Variants in TRIM59 observed in about 807,000 individuals in gnomAD.
TRIM59 encodes tripartite motif containing 59, also known as tripartite motif-containing protein 59.
A neutral mutation model predicts 32.2 loss-of-function variants in TRIM59; 14 were observed. That is an observed-to-expected ratio of 0.43 (90% CI 0.29 to 0.68). The LOEUF (loss-of-function observed/expected upper bound fraction) is 0.68, where lower values mean the gene tolerates loss of function less well. Ranked by LOEUF, TRIM59 falls within the 30% of genes least tolerant of loss-of-function variation. The pLI, the probability that TRIM59 is intolerant of heterozygous loss-of-function variation, is 0.15. For synonymous variants in TRIM59, 163 were observed against 155.1 expected (o/e 1.05, Z -0.38); for missense variants, 471 against 463.3 (o/e 1.02, Z -0.15).
intron 1 of TRIM59, chr3:160,449,508 C>A: frequency 2.5e-6 from 3 of 1,211,972 alleles, no homozygotes; most frequent in Non-Finnish European, 3.2e-6. Flanking sequence ...CTCACAGGAA[C>A]GCAGCTCCAC....
rs953676363 is a variant in TRIM59, at chr3:160,435,920, C to T, written c.*2052G>A. 2 of 1,280,696 alleles carry T rather than the reference C, an allele frequency of 1.6e-6. No individual in the cohort carries two copies. The highest frequency in any genetic ancestry group is 2.3e-5 in the Admixed American group (1 of 43,292). 79.3% of individuals were successfully genotyped at this position (1,280,696 alleles called of 1,614,324 possible). A position where few individuals can be genotyped will look rare whatever the true frequency, so the allele number is the denominator to read the frequency against. ...ACAAAAAGGGGGTTAAAAATATTCA[C>T]ATCACAGAAATGAGATTAAGTAGTT... On this transcript the variant is annotated 3_prime_UTR_variant, in exon 3 of 3. Transcript: ENST00000309784.
At chr3:160,440,783 TG>T (rs1410631581) in intron 2 of TRIM59, among the ~76,000 whole-genome samples, 1 of 152,068 alleles carries the variant, frequency 6.6e-6, no homozygotes, top group East Asian at 1.9e-4. Context: ...TGGTGTCAAA[TG>T]CGTGTAATCC....
intron 2 of TRIM59, among the ~76,000 whole-genome samples, chr3:160,446,246 T>G (rs998174067): frequency 2.0e-5 from 3 of 152,220 alleles, no homozygotes; most frequent in African/African-American, 7.2e-5. Context: ...TAGGCCCTAC[T>G]CAACTGTTCC....
At position 160,436,225 on chromosome 3, in the gene TRIM59, C is replaced by A; in HGVS notation, c.*1747G>T. On this transcript the variant is annotated 3_prime_UTR_variant, in exon 3 of 3. Transcript: ENST00000309784. ...GCAGGTAAGAGTTTTAGAACTAGTT[C>A]CCTGAAAAAGCTGTATTTATGATAG... The A allele has an allele frequency of 2.0e-6, 2 of 994,524 alleles. No individual in the cohort carries two copies. The highest frequency in any genetic ancestry group is 2.4e-6 in the Non-Finnish European group (2 of 835,452). 61.6% of individuals were successfully genotyped at this position (994,524 alleles called of 1,614,324 possible).
intron 2 of TRIM59, among the ~76,000 whole-genome samples, chr3:160,446,569 T>TAA (rs1315445616): frequency 3.3e-5 from 5 of 152,104 alleles, no homozygotes; most frequent in African/African-American, 1.2e-4. Context: ...ATAATATATA[T>TAA]AATATCAAAA....
At chr3:160,448,047 A>G (rs553435120) in intron 2 of TRIM59, among the ~76,000 whole-genome samples, 1 of 152,194 alleles carries the variant, frequency 6.6e-6, no homozygotes, top group East Asian at 1.9e-4. Flanking sequence ...AAAAAATCCT[A>G]TGGTCAGCTG....
rs376684148 is a variant in TRIM59 at position 160,446,475 on chromosome 3, A to C, written c.-4+2251T>G. On this transcript the variant is annotated intron_variant, in intron 2 of 2. Coordinates refer to ENST00000309784, the MANE Select transcript of TRIM59 (RefSeq NM_173084.3). ...TTTCCAGAAATACAAAGTTAATTCAATAACGAAAAATCTATTAATATAATT... is the reference window on the plus strand; with the variant it reads ...TTTCCAGAAATACAAAGTTAATTCACTAACGAAAAATCTATTAATATAATT... Among the ~76,000 whole-genome samples the C allele has an allele frequency of 2.5e-3, 378 of 152,336 alleles. 1 individual carries two copies. Among genetic ancestry groups the C allele is most frequent in the African/African-American group, 8.5e-3 (352 of 41,580 alleles).
chr3:160,436,065 ATG>A lies in TRIM59; in HGVS notation c.*1905_*1906del, dbSNP rs761565005. The A allele has an allele frequency of 8.5e-7, 1 of 1,173,260 alleles. No individual in the cohort carries two copies. Among genetic ancestry groups the A allele is most frequent in the South Asian group, 1.7e-5 (1 of 59,830 alleles). 72.7% of individuals were successfully genotyped at this position (1,173,260 alleles called of 1,614,324 possible). On this transcript the variant is annotated 3_prime_UTR_variant, in exon 3 of 3. Transcript: ENST00000309784. ...TTAGTATTTTTATCTCTAGCTGAGT[ATG>A]TGTCTCTCCTTACCTCTACTATGCC...
intron 2 of TRIM59, among the ~76,000 whole-genome samples, chr3:160,440,700 T>C (rs915641737): frequency 5.9e-5 from 9 of 151,718 alleles, no homozygotes; most frequent in African/African-American, 1.5e-4. Context: ...TCACCTGAGG[T>C]TGGGAGTTTG....
At chr3:160,445,801 G>A (rs2108520192) in intron 2 of TRIM59, among the ~76,000 whole-genome samples, 1 of 146,926 alleles carries the variant, frequency 6.8e-6, no homozygotes, top group South Asian at 2.3e-4. Context: ...AAAATTGCTA[G>A]AACTGATAAA....
rs2108513629 is a variant in TRIM59 at position 160,437,191 on chromosome 3, A to ATT, written c.*780_*781insAA. The ATT allele has an allele frequency of 1.5e-6, 1 of 656,650 alleles. No individual in the cohort carries two copies. Among genetic ancestry groups the ATT allele is most frequent in the South Asian group, 6.8e-5 (1 of 14,656 alleles). 40.7% of individuals were successfully genotyped at this position (656,650 alleles called of 1,614,324 possible). A position where few individuals can be genotyped will look rare whatever the true frequency, so the allele number is the denominator to read the frequency against. On this transcript the variant is annotated 3_prime_UTR_variant, in exon 3 of 3. Coordinates refer to ENST00000309784, the MANE Select transcript of TRIM59 (RefSeq NM_173084.3). ...ATATGGCAAAACCTCGTTTCTACAA[A>ATT]AAACAATTTTTTTAATTAGCCAGGC...
intron 1 of TRIM59, chr3:160,449,319 T>G: frequency 3.2e-6 from 1 of 308,948 alleles, no homozygotes; most frequent in Non-Finnish European, 5.8e-6. Flanking sequence ...TGCGAGCACC[T>G]CCCACAAAGG....
chr3:160,436,503 A>G lies in TRIM59; in HGVS notation c.*1469T>C, dbSNP rs900829278. ...GGCCCTCTTAAGCAAAGCTAATAAA[A>G]GATTAAGTTGTTGGGCCGGGCGTGG... is the stretch of plus-strand genomic sequence containing the variant. On this transcript the variant is annotated 3_prime_UTR_variant, in exon 3 of 3. Coordinates refer to ENST00000309784, the MANE Select transcript of TRIM59 (RefSeq NM_173084.3). The G allele has an allele frequency of 4.1e-6, 4 of 985,726 alleles. No individual in the cohort carries two copies. The African/African-American group carries it at 7.0e-5, about 17-fold the overall frequency. The allele number at this position is 985,726 out of a possible 1,614,324, so 61.1% of individuals were successfully genotyped here.
rs889377200 is a variant in TRIM59, at chr3:160,436,235, G to A, written c.*1737C>T. The stretch of plus-strand genomic sequence containing the variant: ...GTTTTAGAACTAGTTCCCTGAAAAA[G>A]CTGTATTTATGATAGTTTATGTGCA... On this transcript the variant is annotated 3_prime_UTR_variant, in exon 3 of 3. Transcript: ENST00000309784. 3.0e-6 allele frequency: 3 copies of A among 994,310 alleles called. No individual in the cohort carries two copies. Among genetic ancestry groups the A allele is most frequent in the Admixed American group, 6.1e-5 (1 of 16,506 alleles). 61.6% of individuals were successfully genotyped at this position (994,310 alleles called of 1,614,324 possible).
chr3:160,437,227 G>T lies in TRIM59; in HGVS notation c.*745C>A. The T allele has an allele frequency of 1.8e-6, 1 of 558,284 alleles. No homozygotes were observed. The highest frequency in any genetic ancestry group is 2.3e-6 in the Non-Finnish European group (1 of 440,330). The allele number at this position is 558,284 out of a possible 1,614,324, so 34.6% of individuals were successfully genotyped here. A position where few individuals can be genotyped will look rare whatever the true frequency, so the allele number is the denominator to read the frequency against. On this transcript the variant is annotated 3_prime_UTR_variant, in exon 3 of 3. Coordinates refer to ENST00000309784, the MANE Select transcript of TRIM59 (RefSeq NM_173084.3). ...TTTAATTAGCCAGGCATGGGGGTGT[G>T]TGCCTTGTCCCAGCTGCTCCAGAGG...
intron 2 of TRIM59, among the ~76,000 whole-genome samples, chr3:160,444,549 G>A (rs1022622444): frequency 9.2e-5 from 14 of 152,164 alleles, no homozygotes; most frequent in Admixed American, 5.2e-4. Context: ...ATGTGACTTT[G>A]CTGCTACTCC....
chr3:160,441,386 GTTTT>G (rs921260124), intron 2 of TRIM59, among the ~76,000 whole-genome samples: 6 of 151,542 alleles, frequency 4.0e-5, no homozygotes, highest in Admixed American at 6.6e-5. Flanking sequence ...TTGTTTTGGG[GTTTT>G]TTGTTTTTTG....
Position 160,437,111 on chromosome 3 carries a change from G to A in TRIM59, c.*861C>T, listed in dbSNP as rs1719015701. ...TAACGTCTGTAATCCCAGCACTTTG[G>A]GAGGCCAAGGTGGGCAGATCTCTTG... On this transcript the variant is annotated 3_prime_UTR_variant, in exon 3 of 3. Coordinates refer to ENST00000309784, the MANE Select transcript of TRIM59 (RefSeq NM_173084.3). 5.2e-6 allele frequency: 5 copies of A among 968,018 alleles called. No homozygotes were observed. Among genetic ancestry groups the A allele is most frequent in the Non-Finnish European group, 4.9e-6 (4 of 814,080 alleles). The allele number at this position is 968,018 out of a possible 1,614,324, so 60.0% of individuals were successfully genotyped here. A position where few individuals can be genotyped will look rare whatever the true frequency, so the allele number is the denominator to read the frequency against.
chr3:160,438,457 G>C lies in TRIM59; in HGVS notation c.727C>G (p.Gln243Glu), dbSNP rs755301016. ...AGAAATTTAAGTGGAGACTCTTCTTGTAAAGATATTGTCAGTGCCATTAAT... is the reference window on the plus strand; with the variant it reads ...AGAAATTTAAGTGGAGACTCTTCTTCTAAAGATATTGTCAGTGCCATTAAT... ...LELMALTISL[Q>E]EESPLKFLEK... Residue 243 changes from glutamine (Q) to glutamate (E), a missense_variant, in exon 3 of 3, where the codon CAA becomes GAA. Transcript: ENST00000309784. 1.5e-5 allele frequency: 24 copies of C among 1,613,828 alleles called. No individual in the cohort carries two copies. In the Admixed American group the frequency reaches 4.0e-4, roughly 27 times the overall value.
Sources: allele counts gnomAD v4.1 joint callset (sites outside exome capture counted in the v4.1 genomes callset), GRCh38; gene constraint gnomAD v4.1.1; transcripts MANE v1.5; gene names NCBI Gene and HGNC (gene_info 2026-07-23, HGNC 2026-07-21).